Variants in FAM184A observed in about 807,000 individuals in gnomAD.
The protein encoded by FAM184A is family with sequence similarity 184 member A.
Under a neutral mutation model 143.8 loss-of-function variants are expected in FAM184A, and 99 were observed. The ratio of observed to expected loss-of-function variants is 0.69; its 90% CI spans 0.58 to 0.81. FAM184A has a LOEUF of 0.81. Ranked by LOEUF, FAM184A falls within the 40% of genes least tolerant of loss-of-function variation. The pLI is 0.00. For missense variants in FAM184A, 1,217 were observed against 1,310.5 expected (o/e 0.93, Z 1.10); for synonymous variants, 427 against 446.4 (o/e 0.96, Z 0.55).
rs776569695 is a variant in FAM184A, at chr6:119,024,498, CG to C, written c.474del (p.Glu159LysfsTer44). On this transcript the variant is annotated frameshift_variant, in exon 2 of 18. Transcript: ENST00000338891. LOFTEE classifies it high-confidence loss of function. Reference sequence around the variant, plus strand: ...TCTTCAAATTTCCTTCTAATCTCTTCGACTTCTCTAGACATGGTCACTATGC... The same window carrying C: ...TCTTCAAATTTCCTTCTAATCTCTTCACTTCTCTAGACATGGTCACTATGC... ...VQRIVTMSRE[V>X]EEIRRKFEEK... 6.8e-6 allele frequency: 11 copies of C among 1,613,442 alleles called. No homozygotes were observed.
At chr6:119,031,353 T>C (rs1785864352) in intron 1 of FAM184A, 1 of 152,108 alleles carries the variant, frequency 6.6e-6, no homozygotes, top group Non-Finnish European at 1.5e-5. Flanking sequence ...CTGGGACTGG[T>C]GCTATTACAT....
At chr6:119,040,265 T>G (rs950532670) in intron 1 of FAM184A, among the ~76,000 whole-genome samples, 3 of 152,166 alleles carry the variant, frequency 2.0e-5, no homozygotes, top group African/African-American at 7.2e-5. Flanking sequence ...CGCCGGTAAC[T>G]CGGGGTACCT....
intron 1 of FAM184A, among the ~76,000 whole-genome samples, chr6:119,040,243 G>A (rs749521835): frequency 3.3e-5 from 5 of 152,144 alleles, no homozygotes; most frequent in East Asian, 1.9e-4. Flanking sequence ...CTGTGGACCC[G>A]TATGGATTTG....
In FAM184A at chr6:118,966,634, G is replaced by A. The variant is rs75052620; in HGVS notation, c.3033+201C>T. On this transcript the variant is annotated intron_variant, in intron 15 of 17. Coordinates refer to ENST00000338891, the MANE Select transcript of FAM184A (RefSeq NM_024581.6). ...CTTTCTTTTAAAAAAAATGAAAGAC[G>A]TACAATTCCCTTACCCTAATGCCAA... 8.5e-3 allele frequency among the ~76,000 whole-genome samples: 1,292 copies of A among 152,094 alleles called. 24 individuals are homozygous for A. The highest frequency in any genetic ancestry group is 0.029 in the African/African-American group (1,207 of 41,512).
intron 1 of FAM184A, among the ~76,000 whole-genome samples, chr6:119,049,258 G>T (rs1452296402): frequency 6.6e-6 from 1 of 152,154 alleles, no homozygotes; most frequent in Non-Finnish European, 1.5e-5. Flanking sequence ...GACCAGCCTG[G>T]CCAACATGGT....
intron 1 of FAM184A, among the ~76,000 whole-genome samples, chr6:119,130,476 A>T (rs1293050586): frequency 3.9e-5 from 6 of 152,212 alleles, no homozygotes; most frequent in African/African-American, 7.2e-5. Context: ...AAGAGAGGCC[A>T]TAGAGATTGT....
chr6:119,115,970 AACACACACACACAC>A (rs66707302), intron 1 of FAM184A, among the ~76,000 whole-genome samples: 13 of 137,396 alleles, frequency 9.5e-5, no homozygotes, highest in African/African-American at 2.7e-4. Context: ...CTCCGTCTCA[AACACACACACACAC>A]ACACACACAC....
At chr6:119,051,814 C>T (rs78839869) in intron 1 of FAM184A, among the ~76,000 whole-genome samples, 6 of 152,106 alleles carry the variant, frequency 3.9e-5, no homozygotes, top group African/African-American at 9.7e-5. Flanking sequence ...TGAATAAGAA[C>T]TTGGAAATTA....
In FAM184A at chr6:119,114,465, C is replaced by T. The variant is rs142769817; in HGVS notation, c.-202+34613G>A. Among the ~76,000 whole-genome samples the T allele has an allele frequency of 4.2e-3, 643 of 152,294 alleles. 2 individuals carry two copies. The highest frequency in any genetic ancestry group is 0.015 in the African/African-American group (613 of 41,558). ...TGGACTTTCCTGCCCTCTGATGTCA[C>T]CACTTCATAGATTCTTCTCTCTTGT... On this transcript the variant is annotated intron_variant, in intron 1 of 16. Coordinates refer to the FAM184A transcript ENST00000352896.
At chr6:118,991,939 T>C (rs976094141) in intron 9 of FAM184A, among the ~76,000 whole-genome samples, 3 of 151,270 alleles carry the variant, frequency 2.0e-5, no homozygotes, top group Non-Finnish European at 4.4e-5. Context: ...ATTTTTTGTA[T>C]TTTTTTAGTA....
In FAM184A at chr6:119,024,781, C is replaced by T. The variant is rs1161678800; in HGVS notation, c.192G>A (p.Glu64=). The T allele has an allele frequency of 1.2e-6, 2 of 1,610,644 alleles. No individual in the cohort carries two copies. The highest frequency in any genetic ancestry group is 1.7e-4 in the Middle Eastern group (1 of 6,046). Residue 64 remains glutamate (E), a synonymous_variant, in exon 2 of 18, where the codon GAG becomes GAA. Coordinates refer to ENST00000338891, the MANE Select transcript of FAM184A (RefSeq NM_024581.6). ...VIYALNTKND[E]HESAIQALKD... is the part of the protein sequence containing the mutation. ...TGAGGGCTTGAATTGCAGATTCATG[C>T]TCATCATTTTTAGTGTTTAAAGCAT... is the stretch of plus-strand genomic sequence containing the variant.
chr6:118,973,199 G>A (rs988971354), intron 14 of FAM184A, among the ~76,000 whole-genome samples: 3 of 152,152 alleles, frequency 2.0e-5, no homozygotes, highest in Admixed American at 2.0e-4. Flanking sequence ...AACAACTGGG[G>A]ACCTGTTTTC....
At chr6:119,126,230 C>T (rs991036289) in intron 1 of FAM184A, among the ~76,000 whole-genome samples, 2 of 152,118 alleles carry the variant, frequency 1.3e-5, no homozygotes, top group Non-Finnish European at 2.9e-5. Context: ...CATGTGGCAC[C>T]TTCATCATAA....
At chr6:119,022,427 A>C (rs1582516427) in intron 3 of FAM184A, among the ~76,000 whole-genome samples, 1 of 150,044 alleles carries the variant, frequency 6.7e-6, no homozygotes, top group Non-Finnish European at 1.5e-5. Flanking sequence ...ACAAAGGAAA[A>C]CTCTCAAGTT....
At chr6:119,092,147 T>C (rs1203238555) in intron 1 of FAM184A, among the ~76,000 whole-genome samples, 8 of 152,202 alleles carry the variant, frequency 5.3e-5, no homozygotes, top group Admixed American at 5.2e-4. Flanking sequence ...TATTTACTTA[T>C]TTACTTGGGG....
chr6:118,974,521 G>A lies in FAM184A; in HGVS notation c.2822C>T (p.Thr941Ile). ...KRLEKELDVM[T>I]ADHLREKNIM... ...ATTTTTCTCTCTGAGGTGGTCTGCT[G>A]TCATGACATCCAACTCTTTTTCAAG... is the stretch of plus-strand genomic sequence containing the variant. Residue 941 changes from threonine to isoleucine, a missense_variant, in exon 14 of 18, where the codon ACA (threonine) becomes ATA (isoleucine). Physicochemically the swap from Thr to Ile is moderately conservative, Grantham distance 89 (BLOSUM62 -1). Coordinates refer to ENST00000338891, the MANE Select transcript of FAM184A (RefSeq NM_024581.6). The A allele has an allele frequency of 6.2e-7, 1 of 1,611,408 alleles. No homozygotes were observed. Among genetic ancestry groups the A allele is most frequent in the Middle Eastern group, 1.7e-4 (1 of 6,052 alleles).
chr6:119,006,573 T>C lies in FAM184A; in HGVS notation c.1689A>G (p.Glu563=). The C allele has an allele frequency of 4.3e-6, 7 of 1,613,596 alleles. No individual in the cohort carries two copies. The highest frequency in any genetic ancestry group is 5.1e-6 in the Non-Finnish European group (6 of 1,179,774). The change falls in exon 7 of 18, where the codon GAA becomes GAG. Residue 563 remains glutamate (E), a synonymous_variant. Coordinates refer to ENST00000338891, the MANE Select transcript of FAM184A (RefSeq NM_024581.6). ...GHLQDMVRKS[E]QGLGSAEGLI... ...GTCCTTCTGCAGAGCCAAGACCTTG[T>C]TCACTTTTCCTTACCATATCTTGGA...
At chr6:118,979,300 T>C (rs755131223) in intron 11 of FAM184A, 65 bp downstream of exon 11, 16 of 1,453,700 alleles carry the variant, frequency 1.1e-5, no homozygotes, top group Non-Finnish European at 1.5e-5. Flanking sequence ...TGATTTTATG[T>C]TGAATTTAAA....
At chr6:119,032,075 C>T (rs1202892464) in intron 1 of FAM184A, among the ~76,000 whole-genome samples, 1 of 152,060 alleles carries the variant, frequency 6.6e-6, no homozygotes, top group Non-Finnish European at 1.5e-5. Context: ...AGTTCAAGAC[C>T]AGCCTGGCCA....
Sources: allele counts gnomAD v4.1 joint callset (sites outside exome capture counted in the v4.1 genomes callset), GRCh38; gene constraint gnomAD v4.1.1; transcripts MANE v1.5; gene names NCBI Gene and HGNC (gene_info 2026-07-23, HGNC 2026-07-21).